PKIB: variants seen among roughly 807,000 people sequenced by gnomAD.
PKIB encodes the protein PKI-beta.
Under a neutral mutation model 4.5 loss-of-function variants are expected in PKIB, and 2 were observed. The ratio of observed to expected loss-of-function variants is 0.44; its 90% CI spans 0.18 to 1.39. The LOEUF is 1.39. PKIB is among the 40% of genes most tolerant of loss of function. The pLI, the probability that PKIB is intolerant of heterozygous loss-of-function variation, is 0.27. For missense variants in PKIB, 94 were observed against 92.6 expected (o/e 1.02, Z -0.06); for synonymous variants, 38 against 36.0 (o/e 1.06, Z -0.20).
At chr6:122,558,235 T>G (rs931160680) in intron 2 of PKIB, among the ~76,000 whole-genome samples, 5 of 152,220 alleles carry the variant, frequency 3.3e-5, no homozygotes, top group African/African-American at 1.2e-4. Context: ...ATTTCTTGGC[T>G]GGTTTCATTC....
chr6:122,661,506 T>C (rs1192608616), intron 2 of PKIB, among the ~76,000 whole-genome samples: 2 of 152,250 alleles, frequency 1.3e-5, no homozygotes, highest in Non-Finnish European at 2.9e-5. Flanking sequence ...ATCATCAATG[T>C]TGTGGCATGT....
intron 1 of PKIB, among the ~76,000 whole-genome samples, chr6:122,623,310 T>C (rs940817745): frequency 1.3e-5 from 2 of 152,190 alleles, no homozygotes; most frequent in Admixed American, 6.5e-5. Context: ...TAATTAGCTC[T>C]TGTAAGGAAG....
At chr6:122,481,202 C>G (rs1775600837) in intron 2 of PKIB, 1 of 152,122 alleles carries the variant, frequency 6.6e-6, no homozygotes, top group African/African-American at 2.4e-5. Flanking sequence ...CACTATCACT[C>G]CTGAGGCATT....
chr6:122,619,236 A>T (rs1042447288), intron 1 of PKIB, among the ~76,000 whole-genome samples: 78 of 152,262 alleles, frequency 5.1e-4, no homozygotes, highest in African/African-American at 1.9e-3. Context: ...CAAAGTTATC[A>T]ATCTATTCTC....
At chr6:122,540,498 A>G (rs1777560235) in intron 2 of PKIB, among the ~76,000 whole-genome samples, 1 of 151,820 alleles carries the variant, frequency 6.6e-6, no homozygotes. Flanking sequence ...GTTTTGAGTG[A>G]GTTTCTTAGT....
At chr6:122,541,512 C>T (rs1208973009) in intron 2 of PKIB, among the ~76,000 whole-genome samples, 2 of 151,986 alleles carry the variant, frequency 1.3e-5, no homozygotes, top group Non-Finnish European at 2.9e-5. Context: ...ATATTGGCCC[C>T]CACTCTCTTC....
chr6:122,502,031 C>A (rs929048029), intron 2 of PKIB, among the ~76,000 whole-genome samples: 14 of 149,886 alleles, frequency 9.3e-5, no homozygotes, highest in Non-Finnish European at 1.6e-4. Context: ...TGGCTCATTG[C>A]AACCTCTGCC....
At chr6:122,493,082 AT>A (rs1286442060) in intron 2 of PKIB, 1 of 152,204 alleles carries the variant, frequency 6.6e-6, no homozygotes, top group African/African-American at 2.4e-5. Context: ...AATTAGGTTA[AT>A]TTTAGACTTT....
intron 2 of PKIB, among the ~76,000 whole-genome samples, chr6:122,549,916 A>G (rs916458805): frequency 2.0e-5 from 3 of 150,800 alleles, no homozygotes; most frequent in Non-Finnish European, 3.0e-5. Flanking sequence ...ACACATATAT[A>G]TATATACACA....
chr6:122,648,615 T>A (rs1776418485), intron 2 of PKIB, among the ~76,000 whole-genome samples: 1 of 152,210 alleles, frequency 6.6e-6, no homozygotes, highest in South Asian at 2.1e-4. Flanking sequence ...CTGTGTGGAT[T>A]ACTGTAAGCA....
chr6:122,699,075 G>C (rs1778691009), intron 3 of PKIB, among the ~76,000 whole-genome samples: 2 of 151,982 alleles, frequency 1.3e-5, no homozygotes, highest in Admixed American at 1.3e-4. Context: ...CTGGAGAAAG[G>C]TGGATGTCAT....
chr6:122,681,226 G>GC (rs1554231206), intron 3 of PKIB, among the ~76,000 whole-genome samples: 6 of 151,786 alleles, frequency 4.0e-5, no homozygotes, highest in Non-Finnish European at 8.8e-5. Flanking sequence ...TTTTTATAAT[G>GC]TTTTTTCTCA....
intron 2 of PKIB, among the ~76,000 whole-genome samples, chr6:122,502,772 A>G (rs1351187582): frequency 2.0e-5 from 3 of 152,184 alleles, no homozygotes; most frequent in African/African-American, 7.2e-5. Flanking sequence ...TATTTTGGAG[A>G]TGAATTCTGC....
At chr6:122,479,516 C>T (rs1378869802) in intron 2 of PKIB, 1 of 152,174 alleles carries the variant, frequency 6.6e-6, no homozygotes, top group Non-Finnish European at 1.5e-5. Flanking sequence ...ATAAATATCA[C>T]AAAACAGAAA....
intron 2 of PKIB, among the ~76,000 whole-genome samples, chr6:122,553,989 A>G (rs1162705790): frequency 6.6e-6 from 1 of 152,200 alleles, no homozygotes; most frequent in Non-Finnish European, 1.5e-5. Flanking sequence ...ATTAATCATC[A>G]GTATATTCCA....
intron 2 of PKIB, among the ~76,000 whole-genome samples, chr6:122,661,614 T>G (rs1235909161): frequency 6.6e-6 from 1 of 152,186 alleles, no homozygotes; most frequent in Non-Finnish European, 1.5e-5. Flanking sequence ...GACATTTGTG[T>G]TTTTTCCACT....
At chr6:122,716,378 T>C (rs1464830749) in intron 3 of PKIB, among the ~76,000 whole-genome samples, 1 of 152,196 alleles carries the variant, frequency 6.6e-6, no homozygotes, top group Non-Finnish European at 1.5e-5. Flanking sequence ...AATAGTCTAG[T>C]GCTCTTTACA....
At chr6:122,634,783 T>C (rs958367405) in intron 2 of PKIB, among the ~76,000 whole-genome samples, 2 of 151,812 alleles carry the variant, frequency 1.3e-5, no homozygotes, top group African/African-American at 4.8e-5. Flanking sequence ...AATAAAAAAA[T>C]ACAAAAAAAT....
At chr6:122,720,069 A>G (rs571109857) in intron 4 of PKIB, among the ~76,000 whole-genome samples, 1 of 152,328 alleles carries the variant, frequency 6.6e-6, no homozygotes, top group Non-Finnish European at 1.5e-5. Context: ...GCTAATGAAA[A>G]CTGAAAGCGG....
Sources: allele counts gnomAD v4.1 joint callset (sites outside exome capture counted in the v4.1 genomes callset), GRCh38; gene constraint gnomAD v4.1.1; transcripts MANE v1.5; gene names NCBI Gene and HGNC (gene_info 2026-07-23, HGNC 2026-07-21).